Variants in ACTG2 observed in about 807,000 individuals in gnomAD.
ACTG2 encodes actin gamma 2, smooth muscle.
A neutral mutation model predicts 37.6 loss-of-function variants in ACTG2; 16 were observed. The observed-to-expected ratio is 0.43, with a 90% CI of 0.29 to 0.65. ACTG2 has a LOEUF of 0.65. ACTG2 is among the 30% of genes least tolerant of loss of function. The pLI, the probability that ACTG2 is intolerant of heterozygous loss-of-function variation, is 0.18. For missense variants in ACTG2, 238 were observed against 490.9 expected (o/e 0.48, Z 4.87); for synonymous variants, 181 against 179.9 (o/e 1.01, Z -0.05).
Position 73,919,492 on chromosome 2 carries a change from C to T in ACTG2, c.1048C>T (p.Leu350Phe). ...GATCGGGGGCTCTATCCTGGCCTCT[C>T]TCTCCACCTTCCAGCAGATGTGGAT... ...VWIGGSILAS[L>F]STFQQMWISK... Residue 350 changes from leucine (L) to phenylalanine (F), a missense_variant, in exon 9 of 9, where the codon CTC becomes TTC. Leu to Phe is a conservative substitution (Grantham distance 22, BLOSUM62 0). Coordinates refer to ENST00000345517, the MANE Select transcript of ACTG2 (RefSeq NM_001615.4). The T allele has an allele frequency of 6.2e-7, 1 of 1,614,200 alleles. No individual in the cohort carries two copies. The highest frequency in any genetic ancestry group is 2.2e-5 in the East Asian group (1 of 44,886).
At chr2:73,898,673 C>T (rs1679805043) in intron 1 of ACTG2, among the ~76,000 whole-genome samples, 1 of 152,126 alleles carries the variant, frequency 6.6e-6, no homozygotes, top group African/African-American at 2.4e-5. Context: ...AAGAACCACA[C>T]ACAGTACCCC....
chr2:73,907,089 T>G (rs1231773174), intron 3 of ACTG2, among the ~76,000 whole-genome samples: 1 of 152,200 alleles, frequency 6.6e-6, no homozygotes, highest in Non-Finnish European at 1.5e-5. Flanking sequence ...CTGGAGACCT[T>G]CTTTTGCCCT....
chr2:73,912,054 G>GATAGACAA (rs2104819220), intron 5 of ACTG2, among the ~76,000 whole-genome samples: 1 of 152,350 alleles, frequency 6.6e-6, no homozygotes, highest in East Asian at 1.9e-4. Flanking sequence ...TTTAGTGGGA[G>GATAGACAA]ATAGACAAAA....
At position 73,902,392 on chromosome 2, in the gene ACTG2, C is replaced by A; in HGVS notation, c.159C>A (p.Ser53Arg). 6.2e-7 allele frequency: 1 copy of A among 1,613,924 alleles called. No homozygotes were observed. Among genetic ancestry groups the A allele is most frequent in the South Asian group, 1.1e-5 (1 of 91,058 alleles). ...GVMVGMGQKD[S>R]YVGDEAQSKR... ...TGGTGGGAATGGGCCAGAAAGACAG[C>A]TATGTGGGGGATGAGGCTCAGAGCA... is the stretch of plus-strand genomic sequence containing the variant. Residue 53 changes from serine (S) to arginine (R), a missense_variant, in exon 3 of 9, where the codon AGC becomes AGA. Coordinates refer to ENST00000345517, the MANE Select transcript of ACTG2 (RefSeq NM_001615.4).
At position 73,914,779 on chromosome 2, in the gene ACTG2, A is replaced by G. The variant is rs760189166; in HGVS notation, c.713A>G (p.Glu238Gly). 6.2e-7 allele frequency: 1 copy of G among 1,612,816 alleles called. No individual in the cohort carries two copies. Among genetic ancestry groups the G allele is most frequent in the South Asian group, 1.1e-5 (1 of 90,824 alleles). ...MATAASSSSL[E>G]KSYELPDGQV... ...ACAGCAGCTTCCTCTTCCTCCCTGG[A>G]GAAGAGCTATGAGCTGCCAGATGGG... The change falls in exon 7 of 9, where the codon GAG becomes GGG. Residue 238 changes from glutamate to glycine, a missense_variant. Transcript: ENST00000345517.
intron 1 of ACTG2, among the ~76,000 whole-genome samples, chr2:73,894,191 G>A (rs1405372392): frequency 6.6e-6 from 1 of 152,116 alleles, no homozygotes; most frequent in African/African-American, 2.4e-5. Flanking sequence ...CCAGTAGGCC[G>A]AGATATGGCC....
rs995420736 is a variant in ACTG2 at position 73,919,671 on chromosome 2, C to T, written c.*96C>T. 5 of 1,405,702 alleles carry T rather than the reference C, an allele frequency of 3.6e-6. No homozygotes were observed. In the African/African-American group the frequency reaches 7.2e-5, roughly 20 times the overall value. The allele number at this position is 1,405,702 out of a possible 1,614,324, so 87.1% of individuals were successfully genotyped here. A position where few individuals can be genotyped will look rare whatever the true frequency, so the allele number is the denominator to read the frequency against. On this transcript the variant is annotated 3_prime_UTR_variant, in exon 9 of 9. Coordinates refer to ENST00000345517, the MANE Select transcript of ACTG2 (RefSeq NM_001615.4). ...AAGCCTTACTTCTCTGTGTGGGGCT[C>T]TTTTTTCCTGGGCTATGTCTCATAC...
chr2:73,905,872 T>C (rs1680004755), intron 3 of ACTG2, among the ~76,000 whole-genome samples: 1 of 152,004 alleles, frequency 6.6e-6, no homozygotes, highest in South Asian at 2.1e-4. Context: ...ACACCATGAA[T>C]AGTAATGTGA....
In ACTG2 at chr2:73,916,595, G is replaced by A. The variant is rs199696794; in HGVS notation, c.817G>A (p.Ala273Thr). The A allele has an allele frequency of 7.6e-5, 122 of 1,613,032 alleles. No individual in the cohort carries two copies. The highest frequency in any genetic ancestry group is 9.0e-5 in the Non-Finnish European group (106 of 1,179,482). ...FQPSFIGMES[A>T]GIHETTYNSI... ...GTGATCTCCACTAGGCATGGAGTCC[G>A]CTGGAATTCATGAGACAACCTACAA... is the stretch of plus-strand genomic sequence containing the variant. The change falls in exon 8 of 9, where the codon GCT becomes ACT. Residue 273 changes from alanine to threonine, a missense_variant. Transcript: ENST00000345517.
intron 6 of ACTG2, 139 bp downstream of exon 6, chr2:73,913,785 G>T (rs1680195472): frequency 5.7e-6 from 4 of 704,078 alleles, no homozygotes; most frequent in Middle Eastern, 2.6e-4. Flanking sequence ...CTTAAGCTGG[G>T]GCTAGGCCTC....
At position 73,914,920 on chromosome 2, in the gene ACTG2, G is replaced by A. The variant is rs1479377828; in HGVS notation, c.805+49G>A. 3.5e-6 allele frequency: 5 copies of A among 1,444,124 alleles called. No individual in the cohort carries two copies. The African/African-American group carries it at 4.3e-5, about 12-fold the overall frequency. The allele number at this position is 1,444,124 out of a possible 1,614,324, so 89.5% of individuals were successfully genotyped here. A position where few individuals can be genotyped will look rare whatever the true frequency, so the allele number is the denominator to read the frequency against. On this transcript the variant is annotated intron_variant, in intron 7 of 8. Coordinates refer to ENST00000345517, the MANE Select transcript of ACTG2 (RefSeq NM_001615.4). ...GCCAATCTCAGGAGGGGAGGGTGGAGGAGTGGGTGAGGTATGGAGAGAGAA... is the reference window on the plus strand; with the variant it reads ...GCCAATCTCAGGAGGGGAGGGTGGAAGAGTGGGTGAGGTATGGAGAGAGAA...
Position 73,909,144 on chromosome 2 carries a change from G to A in ACTG2, c.451+5G>A, listed in dbSNP as rs749198482. 8 of 1,606,388 alleles carry A rather than the reference G, an allele frequency of 5.0e-6. 1 individual carries two copies. Among genetic ancestry groups the A allele is most frequent in the Non-Finnish European group, 6.8e-6 (8 of 1,172,920 alleles). ...ATGCCTCTGGCCGCACGACAGGTGA[G>A]TAATCCTGTAATCCATTCCTTTTCT... On this transcript the variant is annotated splice_donor_5th_base_variant and intron_variant, in intron 5 of 8. Transcript: ENST00000345517.
intron 3 of ACTG2, chr2:73,902,990 C>T (rs1275815425): frequency 2.0e-6 from 1 of 489,206 alleles, no homozygotes. Context: ...CTTATCTTCC[C>T]TGTCAAGACT....
chr2:73,913,119 A>T (rs1447862040), intron 5 of ACTG2, among the ~76,000 whole-genome samples: 2 of 149,978 alleles, frequency 1.3e-5, no homozygotes, highest in Non-Finnish European at 1.5e-5. Context: ...CAGTGAGCCG[A>T]GATCATGCCA....
intron 3 of ACTG2, among the ~76,000 whole-genome samples, chr2:73,903,533 G>A (rs1045257478): frequency 6.6e-6 from 1 of 152,180 alleles, no homozygotes; most frequent in Non-Finnish European, 1.5e-5. Context: ...TGTGCATTAG[G>A]TTGCTTTGAA....
rs775787030 is a variant in ACTG2, at chr2:73,902,505, C to T, written c.255+17C>T. 28 of 1,613,658 alleles carry T rather than the reference C, an allele frequency of 1.7e-5. No homozygotes were observed. In the South Asian group the frequency reaches 3.0e-4, roughly 17 times the overall value. On this transcript the variant is annotated intron_variant, in intron 3 of 8. Transcript: ENST00000345517. ...ATGGAGAAGGTATCTGTAGACTTCC[C>T]CTTAATGAGCCTGCTTTAATGATCA...
chr2:73,908,963 T>A, intron 4 of ACTG2, 92 bp from the exon 5 acceptor site: 1 of 1,371,566 alleles, frequency 7.3e-7, no homozygotes, highest in Non-Finnish European at 1.0e-6. Flanking sequence ...CTGGCATAGT[T>A]CCTGCCCTTA....
chr2:73,904,462 A>G (rs1194907623), intron 3 of ACTG2, among the ~76,000 whole-genome samples: 1 of 151,688 alleles, frequency 6.6e-6, no homozygotes, highest in Admixed American at 6.6e-5. Flanking sequence ...ACTTGAGTCC[A>G]GCCTGGCCAA....
At chr2:73,894,894 A>C (rs1246937644) in intron 1 of ACTG2, among the ~76,000 whole-genome samples, 19 of 152,122 alleles carry the variant, frequency 1.2e-4, no homozygotes, top group Admixed American at 1.2e-3. Flanking sequence ...GGCTATGGGG[A>C]GCCATGGAAG....
Sources: allele counts gnomAD v4.1 joint callset (sites outside exome capture counted in the v4.1 genomes callset), GRCh38; gene constraint gnomAD v4.1.1; transcripts MANE v1.5; gene names NCBI Gene and HGNC (gene_info 2026-07-23, HGNC 2026-07-21).